The following ADCY2 variants were observed in gnomAD, a reference collection of about 807,000 sequenced individuals.
ADCY2 encodes adenylate cyclase 2, also known as adenylate cyclase type 2.
In ADCY2, 31 loss-of-function variants were observed where a neutral mutation model predicts 125.2. The ratio of observed to expected loss-of-function variants is 0.25; its 90% confidence interval spans 0.19 to 0.33. The LOEUF (loss-of-function observed/expected upper bound fraction) is 0.33, where lower values mean the gene tolerates loss of function less well. Among genes scored for constraint, ADCY2 ranks in the 10% least tolerant of loss-of-function variants. ADCY2 has a pLI of 1.00. For synonymous variants in ADCY2, 512 were observed against 548.4 expected (o/e 0.93, Z 0.93); for missense variants, 904 against 1,418.2 (o/e 0.64, Z 5.82).
chr5:7,746,471 A>G (rs1742630983), intron 15 of ADCY2: 4 of 152,258 alleles, frequency 2.6e-5, no homozygotes, highest in Non-Finnish European at 2.9e-5. Context: ...TGTACAGCCA[A>G]TTTAAGAAGG....
intron 10 of ADCY2, among the ~76,000 whole-genome samples, chr5:7,712,417 T>G (rs1441211622): frequency 6.6e-6 from 1 of 152,200 alleles, no homozygotes; most frequent in Admixed American, 6.5e-5. Context: ...ACGCCCCAGT[T>G]CAGTGATGGG....
intron 22 of ADCY2, among the ~76,000 whole-genome samples, chr5:7,815,746 C>T (rs1302408979): frequency 6.6e-6 from 1 of 152,190 alleles, no homozygotes; most frequent in Admixed American, 6.5e-5. Flanking sequence ...CTCTGTAATT[C>T]CCTCCTCCTC....
At chr5:7,743,604 G>T in intron 14 of ADCY2, 64 bp from the exon 15 acceptor site, 1 of 1,464,998 alleles carries the variant, frequency 6.8e-7, no homozygotes, top group Non-Finnish European at 9.5e-7. Flanking sequence ...AAGTATTACT[G>T]GTAGCTTTCC....
At chr5:7,508,097 G>A (rs1743911482) in intron 2 of ADCY2, among the ~76,000 whole-genome samples, 2 of 151,920 alleles carry the variant, frequency 1.3e-5, no homozygotes, top group African/African-American at 4.8e-5. Context: ...ACAATTCAAA[G>A]AGCTTGGGAA....
rs1307870500 is a variant in ADCY2, at chr5:7,709,605, A to G, written c.1578+218A>G. ...CCACCCTAGCGTGATTTTGCATTAT[A>G]GCTTCATAACCCAAGACAGTGCTAT... On this transcript the variant is annotated intron_variant, in intron 10 of 24. Transcript: ENST00000338316. The surrounding 1 kb of genome is among the most constrained non-coding windows in gnomAD (Gnocchi z 4.4). 2.0e-5 allele frequency among the ~76,000 whole-genome samples: 3 copies of G among 152,238 alleles called. No homozygotes were observed. The highest frequency in any genetic ancestry group is 4.8e-5 in the African/African-American group (2 of 41,462).
At chr5:7,767,815 G>C (rs1743434869) in intron 17 of ADCY2, among the ~76,000 whole-genome samples, 1 of 152,010 alleles carries the variant, frequency 6.6e-6, no homozygotes, top group South Asian at 2.1e-4. Flanking sequence ...CAGATCACGA[G>C]GTCAGGAGAT....
intron 20 of ADCY2, among the ~76,000 whole-genome samples, chr5:7,792,068 G>A (rs2126508043): frequency 6.6e-6 from 1 of 152,114 alleles, no homozygotes; most frequent in East Asian, 1.9e-4. Context: ...CAGGAAGAGA[G>A]CAAAGGGAGA....
At chr5:7,702,335 C>T (rs55671651) in intron 7 of ADCY2, among the ~76,000 whole-genome samples, 42,635 of 150,300 alleles carry the variant, frequency 0.28, 7,280 homozygotes, top group Non-Finnish European at 0.4. Context: ...CCTATTAACT[C>T]GTCATTTACA....
chr5:7,460,022 G>A (rs578257577), intron 2 of ADCY2, among the ~76,000 whole-genome samples: 3 of 151,802 alleles, frequency 2.0e-5, no homozygotes, highest in African/African-American at 7.2e-5. Context: ...TCCTGACCTC[G>A]CGATCCACCT....
At chr5:7,702,432 T>A (rs961889382) in intron 7 of ADCY2, among the ~76,000 whole-genome samples, 5 of 150,326 alleles carry the variant, frequency 3.3e-5, no homozygotes, top group East Asian at 4.0e-4. Flanking sequence ...CCTGTGTCCA[T>A]GTGTTCTCAT....
intron 1 of ADCY2, among the ~76,000 whole-genome samples, chr5:7,402,140 CA>C (rs2111440347): frequency 6.6e-6 from 1 of 152,300 alleles, no homozygotes; most frequent in South Asian, 2.1e-4. Flanking sequence ...CTAAGGACCA[CA>C]AGAGCTGAGG....
intron 3 of ADCY2, among the ~76,000 whole-genome samples, chr5:7,569,156 T>A (rs929451963): frequency 6.6e-5 from 10 of 152,122 alleles, no homozygotes; most frequent in African/African-American, 2.4e-4. Context: ...GGGCATGATG[T>A]GAGCAAGGCA....
Position 7,401,905 on chromosome 5 carries a change from T to C in ADCY2, c.210+5399T>C, listed in dbSNP as rs114330802. On this transcript the variant is annotated intron_variant, in intron 1 of 24. Coordinates refer to ENST00000338316, the MANE Select transcript of ADCY2 (RefSeq NM_020546.3). ...GGATGTTGGGCATACTCCACTGGTA[T>C]ATGGGTTCTTCCTGCCACTTGATAT... is the stretch of plus-strand genomic sequence containing the variant. 4.0e-3 allele frequency among the ~76,000 whole-genome samples: 609 copies of C among 152,334 alleles called. 3 individuals carry two copies. The highest frequency in any genetic ancestry group is 0.014 in the African/African-American group (568 of 41,572).
chr5:7,466,113 C>A (rs1742105325), intron 2 of ADCY2, among the ~76,000 whole-genome samples: 1 of 152,048 alleles, frequency 6.6e-6, no homozygotes, highest in South Asian at 2.1e-4. Flanking sequence ...AGATGAAATT[C>A]TTTATTACTG....
chr5:7,509,340 G>A (rs998010276), intron 2 of ADCY2, among the ~76,000 whole-genome samples: 10 of 152,124 alleles, frequency 6.6e-5, no homozygotes, highest in African/African-American at 2.4e-4. Flanking sequence ...GAGAAATGGG[G>A]TCAGAATCCA....
chr5:7,563,395 C>T (rs1482945679), intron 3 of ADCY2, among the ~76,000 whole-genome samples: 1 of 152,166 alleles, frequency 6.6e-6, no homozygotes, highest in African/African-American at 2.4e-5. Context: ...GCCCCTGAGT[C>T]CACAGAAGCT....
chr5:7,779,180 T>C (rs1743834931), intron 18 of ADCY2, among the ~76,000 whole-genome samples: 1 of 152,184 alleles, frequency 6.6e-6, no homozygotes, highest in Non-Finnish European at 1.5e-5. Context: ...CCTAGGGCTA[T>C]GCAGGGTCTA....
chr5:7,631,430 C>G (rs988101415), intron 4 of ADCY2, among the ~76,000 whole-genome samples: 16 of 152,104 alleles, frequency 1.1e-4, no homozygotes, highest in African/African-American at 3.9e-4. Context: ...ATTACTTGGC[C>G]CCAGATCACT....
At chr5:7,748,820 C>G (rs1579387486) in intron 15 of ADCY2, among the ~76,000 whole-genome samples, 1 of 152,116 alleles carries the variant, frequency 6.6e-6, no homozygotes. Context: ...CTTCTACTGG[C>G]TCATTTATGG....
Sources: allele counts gnomAD v4.1 joint callset (sites outside exome capture counted in the v4.1 genomes callset), GRCh38; gene constraint gnomAD v4.1.1; non-coding constraint Gnocchi (gnomAD v3.1); transcripts MANE v1.5; gene names NCBI Gene and HGNC (gene_info 2026-07-23, HGNC 2026-07-21).